The following LPP variants were observed in gnomAD, a reference collection of about 807,000 sequenced individuals.
The protein encoded by LPP is lipoma-preferred partner.
In LPP, 38 loss-of-function variants were observed where a neutral mutation model predicts 60.4. The observed-to-expected ratio is 0.63, with a 90% confidence interval of 0.49 to 0.83. The LOEUF is 0.83. Among genes scored for constraint, LPP ranks in the 40% least tolerant of loss-of-function variants. LPP has a pLI of 0.00. For synonymous variants in LPP, 328 were observed against 290.8 expected (o/e 1.13, Z -1.30); for missense variants, 902 against 783.6 (o/e 1.15, Z -1.80).
chr3:188,470,476 C>T (rs1801582410), intron 4 of LPP, among the ~76,000 whole-genome samples: 1 of 152,112 alleles, frequency 6.6e-6, no homozygotes, highest in Non-Finnish European at 1.5e-5. Flanking sequence ...CAAATCTTCT[C>T]CATCTCAACT....
chr3:188,650,614 A>G (rs1369879236), intron 7 of LPP, among the ~76,000 whole-genome samples: 1 of 152,136 alleles, frequency 6.6e-6, no homozygotes, highest in East Asian at 1.9e-4. Context: ...AGAGACTACA[A>G]ATCAGATTCC....
chr3:188,530,194 A>T (rs1438341907), intron 6 of LPP, among the ~76,000 whole-genome samples: 1 of 152,210 alleles, frequency 6.6e-6, no homozygotes, highest in African/African-American at 2.4e-5. Flanking sequence ...AGCCCTTTTG[A>T]TGCCCAAGGG....
chr3:188,505,042 G>A (rs542484388), intron 5 of LPP, among the ~76,000 whole-genome samples: 1 of 152,120 alleles, frequency 6.6e-6, no homozygotes, highest in Admixed American at 6.5e-5. Flanking sequence ...TCTAAGAGGT[G>A]GGGTATAGGT....
intron 4 of LPP, among the ~76,000 whole-genome samples, chr3:188,464,980 A>G (rs1170738643): frequency 2.0e-4 from 7 of 34,730 alleles, no homozygotes; most frequent in East Asian, 2.0e-3. Context: ...CTTACTATGG[A>G]AAAAAAAAAA....
chr3:188,743,453 C>T (rs1013930791), intron 8 of LPP, among the ~76,000 whole-genome samples: 7 of 152,056 alleles, frequency 4.6e-5, no homozygotes, highest in Admixed American at 3.3e-4. Flanking sequence ...AGTGTACAGA[C>T]ATACTCAAGA....
In LPP at chr3:188,602,161, T is replaced by C. The variant is rs147885216; in HGVS notation, c.430-7000T>C. ...TAATCTCATATATATATAATATATA[T>C]ATAATATATATATATTATATATATA... On this transcript the variant is annotated intron_variant, in intron 6 of 11. Transcript: ENST00000617246. Among the ~76,000 whole-genome samples the C allele has an allele frequency of 8.2e-3, 949 of 115,820 alleles. 46 individuals are homozygous for C. The highest frequency in any genetic ancestry group is 0.029 in the African/African-American group (865 of 29,818). The allele number at this position is 115,820 out of a possible 152,430, so 76.0% of individuals were successfully genotyped here.
chr3:188,345,217 C>T (rs538784845), intron 3 of LPP, among the ~76,000 whole-genome samples: 11 of 152,124 alleles, frequency 7.2e-5, no homozygotes, highest in African/African-American at 1.2e-4. Context: ...ATCTTCCAGG[C>T]AAAACCAATT....
intron 6 of LPP, among the ~76,000 whole-genome samples, chr3:188,536,549 A>G (rs1363933772): frequency 1.3e-5 from 2 of 152,254 alleles, no homozygotes; most frequent in Non-Finnish European, 2.9e-5. Flanking sequence ...ATATTTGCCT[A>G]TAAACATCTT....
intron 4 of LPP, among the ~76,000 whole-genome samples, chr3:188,424,927 A>G (rs1788873568): frequency 6.6e-6 from 1 of 152,160 alleles, no homozygotes. Context: ...CTATTTGAAT[A>G]TTCTCTATTT....
Position 188,397,472 on chromosome 3 carries a change from G to A in LPP, c.-9-8640G>A, listed in dbSNP as rs149165055. On this transcript the variant is annotated intron_variant, in intron 3 of 11. Transcript: ENST00000617246. Reference sequence around the variant, plus strand: ...AGGCCACTTAGTCAGTATTTGTTCCGTCCTTAACCTTCTCTCCTGAGAGTC... The same window carrying A: ...AGGCCACTTAGTCAGTATTTGTTCCATCCTTAACCTTCTCTCCTGAGAGTC... Among the ~76,000 whole-genome samples the A allele has an allele frequency of 5.2e-3, 788 of 152,178 alleles. 38 individuals are homozygous for A. In the South Asian group the frequency reaches 0.11, roughly 22 times the overall value.
intron 2 of LPP, among the ~76,000 whole-genome samples, chr3:188,253,523 A>G (rs2149602999): frequency 6.6e-6 from 1 of 152,218 alleles, no homozygotes; most frequent in African/African-American, 2.4e-5. Flanking sequence ...GTGATTTGAG[A>G]TTGGTGGTTA....
At chr3:188,728,232 G>A (rs1719139530) in intron 8 of LPP, among the ~76,000 whole-genome samples, 1 of 152,010 alleles carries the variant, frequency 6.6e-6, no homozygotes, top group Non-Finnish European at 1.5e-5. Flanking sequence ...CGTGTGATGA[G>A]ATAACAAAAA....
At chr3:188,657,536 C>A (rs1210114171) in intron 7 of LPP, among the ~76,000 whole-genome samples, 3 of 151,818 alleles carry the variant, frequency 2.0e-5, no homozygotes, top group Admixed American at 1.3e-4. Context: ...TGTCAGTTTG[C>A]TACTCGTGAG....
chr3:188,586,816 C>T (rs1440077866), intron 6 of LPP, among the ~76,000 whole-genome samples: 3 of 151,734 alleles, frequency 2.0e-5, no homozygotes, highest in Non-Finnish European at 4.4e-5. Flanking sequence ...CAACCTCCAC[C>T]TCCTGGGTTC....
chr3:188,574,235 G>GT (rs1834121707), intron 6 of LPP, among the ~76,000 whole-genome samples: 1 of 152,144 alleles, frequency 6.6e-6, no homozygotes, highest in African/African-American at 2.4e-5. Flanking sequence ...ATAACCGTCT[G>GT]GGTGACTCAC....
chr3:188,767,961 G>A (rs1395376402), intron 9 of LPP, among the ~76,000 whole-genome samples: 1 of 151,950 alleles, frequency 6.6e-6, no homozygotes, highest in Non-Finnish European at 1.5e-5. Context: ...TTTGAAAAGA[G>A]CAGTGAAATA....
intron 4 of LPP, among the ~76,000 whole-genome samples, chr3:188,477,540 T>C (rs1386587805): frequency 1.3e-5 from 2 of 152,216 alleles, no homozygotes; most frequent in African/African-American, 4.8e-5. Context: ...AAATGGGATG[T>C]ATCCTCAATT....
chr3:188,479,293 G>A (rs1385877433), intron 4 of LPP, among the ~76,000 whole-genome samples: 3 of 152,154 alleles, frequency 2.0e-5, no homozygotes, highest in South Asian at 4.1e-4. Flanking sequence ...AGTGGGAGAA[G>A]CAATAGCTGC....
rs113412642 is a variant in LPP at position 188,453,498 on chromosome 3, C to T, written c.194-31094C>T. Among the ~76,000 whole-genome samples the T allele has an allele frequency of 3.4e-3, 512 of 152,156 alleles. 1 individual carries two copies. Among genetic ancestry groups the T allele is most frequent in the Non-Finnish European group, 5.7e-3 (391 of 68,016 alleles). On this transcript the variant is annotated intron_variant, in intron 4 of 11. Transcript: ENST00000617246. The stretch of plus-strand genomic sequence containing the variant: ...TAAGTCCCAATCCGGCCAGGAAATG[C>T]TGATCTCCTTCCGACGGGATCTGCT...
Sources: allele counts gnomAD v4.1 joint callset (sites outside exome capture counted in the v4.1 genomes callset), GRCh38; gene constraint gnomAD v4.1.1; transcripts MANE v1.5; gene names NCBI Gene and HGNC (gene_info 2026-07-23, HGNC 2026-07-21).